HIPK2: variants seen among roughly 807,000 people sequenced by gnomAD.
The protein encoded by HIPK2 is homeodomain-interacting protein kinase 2.
HIPK2 carries 27 observed loss-of-function variants against 113.7 expected under a neutral mutation model. That is an observed-to-expected ratio of 0.24 (90% CI 0.17 to 0.33). The LOEUF (loss-of-function observed/expected upper bound fraction) is 0.33, where lower values mean the gene tolerates loss of function less well. HIPK2 is among the 10% of genes least tolerant of loss of function. HIPK2 has a pLI of 1.00. For synonymous variants in HIPK2, 631 were observed against 642.2 expected (o/e 0.98, Z 0.26); for missense variants, 1,257 against 1,588.0 (o/e 0.79, Z 3.54).
chr7:139,742,170 T>C (rs542399457), intron 1 of HIPK2, among the ~76,000 whole-genome samples: 4 of 152,172 alleles, frequency 2.6e-5, no homozygotes, highest in Non-Finnish European at 4.4e-5. Flanking sequence ...GAAAGAACAA[T>C]GGAGTGGGAG....
chr7:139,653,907 A>G (rs1024378453), intron 2 of HIPK2, among the ~76,000 whole-genome samples: 1 of 151,838 alleles, frequency 6.6e-6, no homozygotes, highest in Non-Finnish European at 1.5e-5. Context: ...TAATTTTTGT[A>G]TTTTTAGTAG....
intron 2 of HIPK2, among the ~76,000 whole-genome samples, chr7:139,633,671 G>A (rs190481784): frequency 2.6e-5 from 4 of 151,202 alleles, no homozygotes; most frequent in South Asian, 2.1e-4. Flanking sequence ...GGGGTTAGGC[G>A]CAGTGGTTCA....
chr7:139,672,436 G>C lies in HIPK2; in HGVS notation c.1104-40711C>G, dbSNP rs1021507110. On this transcript the variant is annotated intron_variant, in intron 2 of 14. Coordinates refer to ENST00000406875, the MANE Select transcript of HIPK2 (RefSeq NM_022740.5). ...AATGGTCAGTTTAAGTCTTGACTTA[G>C]AACATGAAGACTTCAAAAAAAATAA... 3.3e-5 allele frequency among the ~76,000 whole-genome samples: 5 copies of C among 151,968 alleles called. No homozygotes were observed. In the East Asian group the frequency reaches 9.6e-4, roughly 29 times the overall value.
intron 2 of HIPK2, among the ~76,000 whole-genome samples, chr7:139,673,101 C>CTCT (rs35530405): frequency 1.4e-5 from 2 of 143,722 alleles, no homozygotes; most frequent in Admixed American, 6.9e-5. Context: ...GTGGTTAGAA[C>CTCT]TTTTTTTTTT....
intron 2 of HIPK2, among the ~76,000 whole-genome samples, chr7:139,686,860 A>G (rs985802327): frequency 2.0e-5 from 3 of 152,242 alleles, no homozygotes; most frequent in African/African-American, 7.2e-5. Flanking sequence ...CTCAAATGTT[A>G]TCAAACAGCA....
chr7:139,721,775 G>A (rs1458022585), intron 1 of HIPK2, among the ~76,000 whole-genome samples: 1 of 152,170 alleles, frequency 6.6e-6, no homozygotes, highest in Non-Finnish European at 1.5e-5. Flanking sequence ...CTGGACTTGG[G>A]AGGGCAAGTT....
intron 5 of HIPK2, 102 bp from the exon 6 acceptor site, chr7:139,626,887 A>G (rs1031440258): frequency 3.0e-5 from 40 of 1,324,914 alleles, no homozygotes; most frequent in Non-Finnish European, 4.2e-5. Flanking sequence ...TGATCTCTCA[A>G]GCCCCCTTTC....
chr7:139,596,820 G>A lies in HIPK2; in HGVS notation c.2614C>T (p.Arg872Trp), dbSNP rs774069494. 8.1e-6 allele frequency: 13 copies of A among 1,613,814 alleles called. No individual in the cohort carries two copies. The highest frequency in any genetic ancestry group is 2.2e-5 in the East Asian group (1 of 44,894). Reference sequence around the variant, plus strand: ...GTGTCGGGAATGACAATTGTCTGCCGCTGCCGTTCCCGGGTGGTGCTGGAG... The same window carrying A: ...GTGTCGGGAATGACAATTGTCTGCCACTGCCGTTCCCGGGTGGTGCTGGAG... Reference protein sequence around the residue: ...VASSTTRERQRQTIVIPDTPS... With the variant: ...VASSTTRERQWQTIVIPDTPS... The change falls in exon 12 of 15, where the codon CGG (arginine) becomes TGG (tryptophan). Residue 872 changes from arginine (R) to tryptophan (W), a missense_variant. Transcript: ENST00000406875.
chr7:139,716,812 T>C lies in HIPK2; in HGVS notation c.223A>G (p.Asn75Asp). ...TTVSTSLPVP[N>D]PSLPYEQTIV... ...GTCTGCTCGTAAGGTAGGCTTGGGT[T>C]TGGGACCGGCAAGGAGGTGCTGACG... is the stretch of plus-strand genomic sequence containing the variant. Residue 75 changes from asparagine to aspartate, a missense_variant, in exon 2 of 15, where the codon AAC becomes GAC. Asn to Asp is a conservative substitution (Grantham distance 23). Transcript: ENST00000406875. The surrounding 1 kb of genome is among the most constrained non-coding windows in gnomAD (Gnocchi z 9.3). 1.1e-5 allele frequency: 18 copies of C among 1,613,876 alleles called. No homozygotes were observed. Among genetic ancestry groups the C allele is most frequent in the Non-Finnish European group, 1.5e-5 (18 of 1,179,844 alleles).
At chr7:139,746,346 T>G (rs768799634) in intron 1 of HIPK2, among the ~76,000 whole-genome samples, 33 of 152,264 alleles carry the variant, frequency 2.2e-4, no homozygotes, top group Non-Finnish European at 4.1e-4. Flanking sequence ...ATGCATCCCT[T>G]GTCACTGGGG....
intron 2 of HIPK2, among the ~76,000 whole-genome samples, chr7:139,703,265 A>G (rs1249232987): frequency 6.6e-6 from 1 of 152,172 alleles, no homozygotes; most frequent in African/African-American, 2.4e-5. Context: ...CCACACTGAG[A>G]ATACAGAACA....
At position 139,566,381 on chromosome 7, in the gene HIPK2, G is replaced by A. The variant is rs1420882936; in HGVS notation, c.*6546C>T. The A allele has an allele frequency of 6.6e-6, 1 of 152,232 alleles. No homozygotes were observed. The highest frequency in any genetic ancestry group is 2.4e-5 in the African/African-American group (1 of 41,428). The allele number at this position is 152,232 out of a possible 1,614,324, so 9.4% of individuals were successfully genotyped here. A position where few individuals can be genotyped will look rare whatever the true frequency, so the allele number is the denominator to read the frequency against. On this transcript the variant is annotated 3_prime_UTR_variant, in exon 15 of 15. Transcript: ENST00000406875. This position sits in a 1 kb window ranked among gnomAD's most constrained non-coding sequence, Gnocchi z 4.1. ...GGACTAATATTGCCGATCTCACAGG[G>A]CTACGGAGAAGATGAAACAGGACAA...
chr7:139,696,235 G>C (rs887519185), intron 2 of HIPK2, among the ~76,000 whole-genome samples: 35 of 152,158 alleles, frequency 2.3e-4, no homozygotes, highest in African/African-American at 7.7e-4. Context: ...CTGTGACAAT[G>C]AAATATAATT....
At chr7:139,690,129 G>A (rs1311432308) in intron 2 of HIPK2, among the ~76,000 whole-genome samples, 2 of 152,144 alleles carry the variant, frequency 1.3e-5, no homozygotes, top group East Asian at 1.9e-4. Context: ...AGGGGAAAGC[G>A]CTTGGGAAAT....
At chr7:139,763,464 C>T (rs542642594) in intron 1 of HIPK2, among the ~76,000 whole-genome samples, 12 of 138,202 alleles carry the variant, frequency 8.7e-5, no homozygotes, top group East Asian at 2.4e-4. Flanking sequence ...AAGATTTTGC[C>T]GGAACACGCC....
At position 139,716,607 on chromosome 7, in the gene HIPK2, C is replaced by T; in HGVS notation, c.428G>A (p.Ser143Asn). Residue 143 changes from serine (S) to asparagine (N), a missense_variant, in exon 2 of 15, where the codon AGC becomes AAC. Physicochemically the swap from Ser to Asn is conservative, Grantham distance 46 (BLOSUM62 1). This residue lies in a region of HIPK2 where 209 missense variants were observed against 237.8 expected (regional missense o/e 0.88). Coordinates refer to ENST00000406875, the MANE Select transcript of HIPK2 (RefSeq NM_022740.5). The surrounding 1 kb of genome is among the most constrained non-coding windows in gnomAD (Gnocchi z 9.3). ...TGGATGCTCCTCGATGATCTGCACG[C>T]TGCTTGTGTTCTCGATCTCCTCGCT... ...RKSEEIENTS[S>N]VQIIEEHPPM... 1.2e-6 allele frequency: 2 copies of T among 1,614,038 alleles called. No individual in the cohort carries two copies. Among genetic ancestry groups the T allele is most frequent in the Non-Finnish European group, 1.7e-6 (2 of 1,179,904 alleles).
At chr7:139,670,395 G>C (rs1569470082) in intron 2 of HIPK2, among the ~76,000 whole-genome samples, 2 of 150,274 alleles carry the variant, frequency 1.3e-5, no homozygotes, top group Non-Finnish European at 3.0e-5. Context: ...ACCAGCCAGG[G>C]CATCATAACG....
intron 1 of HIPK2, chr7:139,722,145 C>T: frequency 4.2e-6 from 1 of 240,438 alleles, no homozygotes; most frequent in South Asian, 4.3e-5. Flanking sequence ...GTAAAAAGCA[C>T]TGAAGAACAA....
At position 139,596,719 on chromosome 7, in the gene HIPK2, G is replaced by T. The variant is rs775200157; in HGVS notation, c.2715C>A (p.Thr905=). The change falls in exon 12 of 15, where the codon ACC becomes ACA. Residue 905 remains threonine, a splice_region_variant and synonymous_variant. Transcript: ENST00000406875. ...AGGCTAAGGTGGCACTGCCTCACCT[G>T]GTGGGGGCGTGTTTCTGTTCCTCCT... ...DEEEEQKHAP[T]STVSKQRKNV... 6.2e-7 allele frequency: 1 copy of T among 1,609,298 alleles called. No individual in the cohort carries two copies. Among genetic ancestry groups the T allele is most frequent in the Non-Finnish European group, 8.5e-7 (1 of 1,175,828 alleles).
Sources: allele counts gnomAD v4.1 joint callset (sites outside exome capture counted in the v4.1 genomes callset), GRCh38; gene constraint gnomAD v4.1.1; regional missense constraint gnomAD v4.1.1; non-coding constraint Gnocchi (gnomAD v3.1); transcripts MANE v1.5; gene names NCBI Gene and HGNC (gene_info 2026-07-23, HGNC 2026-07-21).